The following KCNMA1 variants were observed in gnomAD, a reference collection of about 807,000 sequenced individuals.
The protein encoded by KCNMA1 is potassium calcium-activated channel subfamily M alpha 1.
Under a neutral mutation model 140.0 loss-of-function variants are expected in KCNMA1, and 29 were observed. The observed-to-expected ratio is 0.21, with a 90% CI of 0.15 to 0.28. The LOEUF (loss-of-function observed/expected upper bound fraction) is 0.28. Among genes scored for constraint, KCNMA1 ranks in the 10% least tolerant of loss-of-function variants. The pLI, the probability that KCNMA1 is intolerant of heterozygous loss-of-function variation, is 1.00. For synonymous variants in KCNMA1, 612 were observed against 611.9 expected, an observed-to-expected ratio of 1.00 and a Z score of 0.00; for missense variants, 880 against 1,602.2, an observed-to-expected ratio of 0.55 and a Z score of 7.70.
chr10:77,164,788 C>A (rs887066416), intron 5 of KCNMA1, among the ~76,000 whole-genome samples: 4 of 152,114 alleles, frequency 2.6e-5, no homozygotes, highest in African/African-American at 9.7e-5. Flanking sequence ...CCTCTTAGTC[C>A]GGAGGTAACA....
At chr10:76,955,544 G>C (rs2067924343) in intron 20 of KCNMA1, among the ~76,000 whole-genome samples, 1 of 152,166 alleles carries the variant, frequency 6.6e-6, no homozygotes, top group African/African-American at 2.4e-5. Context: ...AGGAATATCT[G>C]TCATATCTGA....
rs549360933 is a variant in KCNMA1 at position 76,887,430 on chromosome 10, C to T, written c.3547G>A (p.Gly1183Ser). ...FCLMQFDHNA[G>S]QSRASLSHSS... ...TGGGACAGGCTGGCCCGGGACTGGC[C>T]GGCATTGTGGTCAAACTGCATTAAG... Residue 1183 changes from glycine (G) to serine (S), a missense_variant, in exon 28 of 28, where the codon GGC becomes AGC. By Grantham distance (56) the Gly-to-Ser change is moderately conservative. Coordinates refer to ENST00000286628, the MANE Select transcript of KCNMA1 (RefSeq NM_001161352.2). 59 of 1,614,060 alleles carry T rather than the reference C, an allele frequency of 3.7e-5. No homozygotes were observed. Among genetic ancestry groups the T allele is most frequent in the African/African-American group, 1.6e-4 (12 of 75,014 alleles).
chr10:77,614,592 G>A (rs1227946318), intron 1 of KCNMA1, among the ~76,000 whole-genome samples: 1 of 152,142 alleles, frequency 6.6e-6, no homozygotes, highest in Non-Finnish European at 1.5e-5. Flanking sequence ...TACCTACTGA[G>A]TATTTTTCAT....
intron 1 of KCNMA1, among the ~76,000 whole-genome samples, chr10:77,620,602 G>A (rs753525037): frequency 5.3e-5 from 8 of 152,206 alleles, no homozygotes; most frequent in Non-Finnish European, 7.3e-5. Context: ...AAGTTAGGGA[G>A]AGCGCCTGTT....
chr10:77,316,293 CCA>C (rs2080865746), intron 2 of KCNMA1, among the ~76,000 whole-genome samples: 1 of 152,092 alleles, frequency 6.6e-6, no homozygotes, highest in Admixed American at 6.6e-5. Context: ...CTAAAGAATC[CCA>C]CAGTTAAAAG....
intron 1 of KCNMA1, among the ~76,000 whole-genome samples, chr10:77,628,884 G>C (rs964578795): frequency 1.3e-5 from 2 of 152,144 alleles, no homozygotes; most frequent in Admixed American, 6.5e-5. Flanking sequence ...TAAAAGAAAG[G>C]ATGGAGCAAG....
chr10:76,892,810 A>G (rs1324958898), intron 25 of KCNMA1, among the ~76,000 whole-genome samples: 2 of 152,108 alleles, frequency 1.3e-5, no homozygotes, highest in East Asian at 3.9e-4. Context: ...GGTCATTAAA[A>G]CCAAATTTAT....
chr10:77,114,871 AG>A (rs1256573850), intron 6 of KCNMA1, among the ~76,000 whole-genome samples: 2 of 152,226 alleles, frequency 1.3e-5, no homozygotes, highest in African/African-American at 4.8e-5. Flanking sequence ...TGCAGCCTAC[AG>A]GGTTGCCCAA....
intron 19 of KCNMA1, 141 bp downstream of exon 19, chr10:77,001,266 G>T: frequency 1.3e-6 from 1 of 762,472 alleles, no homozygotes; most frequent in Non-Finnish European, 2.2e-6. Flanking sequence ...GGCAGCTGGG[G>T]CAACATGTCA....
At chr10:77,635,819 C>T (rs954498665) in intron 1 of KCNMA1, 8 of 152,646 alleles carry the variant, frequency 5.2e-5, no homozygotes, top group Non-Finnish European at 7.3e-5. Flanking sequence ...TCCCTTTGTT[C>T]CAATACACCA....
chr10:77,337,224 C>T (rs551195815), intron 2 of KCNMA1, among the ~76,000 whole-genome samples: 1 of 152,250 alleles, frequency 6.6e-6, no homozygotes. Context: ...GGATCTTGTC[C>T]CTAATGTTTT....
At chr10:76,953,952 A>G in intron 20 of KCNMA1, 28 bp from the exon 21 acceptor site, 2 of 1,613,164 alleles carry the variant, frequency 1.2e-6, no homozygotes, top group Non-Finnish European at 1.7e-6. Flanking sequence ...GGAAAACCTA[A>G]GTGGAAAATG....
chr10:77,279,357 G>T (rs2067648225), intron 2 of KCNMA1, among the ~76,000 whole-genome samples: 1 of 152,160 alleles, frequency 6.6e-6, no homozygotes, highest in East Asian at 1.9e-4. Context: ...CCCACTTGCT[G>T]CAGCGGAAGT....
At chr10:77,112,523 C>A in intron 6 of KCNMA1, 81 bp from the exon 7 acceptor site, 2 of 969,470 alleles carry the variant, frequency 2.1e-6, no homozygotes, top group Non-Finnish European at 1.7e-6. Flanking sequence ...TAACAGCACC[C>A]GCTTAGCAGG....
chr10:77,302,610 A>G (rs1324514058), intron 2 of KCNMA1, among the ~76,000 whole-genome samples: 1 of 152,028 alleles, frequency 6.6e-6, no homozygotes. Context: ...GCAAGGTGAA[A>G]AGTTTTATTA....
chr10:77,396,574 A>G (rs1411154797), intron 2 of KCNMA1, among the ~76,000 whole-genome samples: 1 of 152,220 alleles, frequency 6.6e-6, no homozygotes, highest in Admixed American at 6.5e-5. Flanking sequence ...TGTTAAACCA[A>G]TAGGATTATT....
chr10:77,570,599 A>AGGGGGGGGGGGGGG (rs1359209465), intron 1 of KCNMA1, among the ~76,000 whole-genome samples: 1 of 43,204 alleles, frequency 2.3e-5, no homozygotes. Flanking sequence ...GGGTAGGGGG[A>AGGGGGGGGGGGGGG]GGGGGGAGGG....
chr10:77,332,451 C>A (rs1219168436), intron 2 of KCNMA1, among the ~76,000 whole-genome samples: 2 of 152,144 alleles, frequency 1.3e-5, no homozygotes, highest in East Asian at 3.9e-4. Flanking sequence ...AGTGTTAGTT[C>A]CATGAGGGCT....
intron 1 of KCNMA1, among the ~76,000 whole-genome samples, chr10:77,456,371 G>C (rs1415392882): frequency 6.6e-6 from 1 of 152,054 alleles, no homozygotes; most frequent in Non-Finnish European, 1.5e-5. Flanking sequence ...CCCATCAAAA[G>C]TAGCCCCCAG....
Sources: allele counts gnomAD v4.1 joint callset (sites outside exome capture counted in the v4.1 genomes callset), GRCh38; gene constraint gnomAD v4.1.1; transcripts MANE v1.5; gene names NCBI Gene and HGNC (gene_info 2026-07-23, HGNC 2026-07-21).